The following KIF7 variants were observed in gnomAD, a reference collection of about 807,000 sequenced individuals.
KIF7 encodes kinesin family member 7.
A neutral mutation model predicts 135.7 loss-of-function variants in KIF7; 104 were observed. The observed-to-expected ratio is 0.77, with a 90% CI of 0.65 to 0.90. The LOEUF is 0.90. KIF7 is among the 40% of genes least tolerant of loss of function. The pLI, the probability that KIF7 is intolerant of heterozygous loss-of-function variation, is 0.00. For synonymous variants in KIF7, 883 were observed against 809.4 expected (o/e 1.09, Z -1.54); for missense variants, 2,005 against 1,839.1 (o/e 1.09, Z -1.65).
chr15:89,630,169 C>T, intron 16 of KIF7, 118 bp downstream of exon 16: 2 of 959,500 alleles, frequency 2.1e-6, no homozygotes, highest in Non-Finnish European at 3.2e-6. Flanking sequence ...ATGAGTTGGT[C>T]CTGATTCTGT....
At position 89,645,035 on chromosome 15, in the gene KIF7, A is replaced by G. The variant is rs1337592292; in HGVS notation, c.2169T>C (p.Leu723=). Residue 723 remains leucine, a synonymous_variant, in exon 10 of 19, where the codon CTT becomes CTC. Transcript: ENST00000394412. ...CACCTGTGCGGACCAGCTCGCCAATAAGCTCCTCCTTCATGCGGATGTTGA... is the reference window on the plus strand; with the variant it reads ...CACCTGTGCGGACCAGCTCGCCAATGAGCTCCTCCTTCATGCGGATGTTGA... The part of the protein sequence containing the change: ...LAINIRMKEE[L]IGELVRTGKA... 16 of 1,607,980 alleles carry G rather than the reference A, an allele frequency of 1.0e-5. No homozygotes were observed. The highest frequency in any genetic ancestry group is 1.4e-5 in the Non-Finnish European group (16 of 1,180,000).
upstream of KIF7, among the ~76,000 whole-genome samples, chr15:89,659,923 A>G (rs1041869213): frequency 6.6e-6 from 1 of 152,236 alleles, no homozygotes. Flanking sequence ...CAGGCCGGGC[A>G]TGGTAGCTCA....
At chr15:89,646,247 C>T (rs1290538573) in intron 7 of KIF7, among the ~76,000 whole-genome samples, 2 of 152,102 alleles carry the variant, frequency 1.3e-5, no homozygotes, top group Non-Finnish European at 2.9e-5. Context: ...TGGTACTCCT[C>T]AGGTGACAAT....
At chr15:89,632,709 C>T (rs912760113) in intron 14 of KIF7, 111 bp downstream of exon 14, 15 of 1,198,858 alleles carry the variant, frequency 1.3e-5, no homozygotes, top group Non-Finnish European at 1.8e-5. Context: ...CTTTGCTAGA[C>T]CTCACCTGGC....
chr15:89,627,400 G>A, downstream of KIF7: 1 of 333,376 alleles, frequency 3.0e-6, no homozygotes, highest in Non-Finnish European at 5.5e-6. Context: ...CAAGTCAGGG[G>A]GCCACTCTGC....
At chr15:89,631,745 C>A in intron 14 of KIF7, 35 bp from the exon 15 acceptor site, 1 of 1,523,722 alleles carries the variant, frequency 6.6e-7, no homozygotes, top group Non-Finnish European at 8.9e-7. Flanking sequence ...AGAGAAGGAA[C>A]AGGCACTGTC....
Position 89,628,301 on chromosome 15 carries a change from G to T in KIF7, c.*118C>A. The T allele has an allele frequency of 1.5e-6, 2 of 1,357,098 alleles. No individual in the cohort carries two copies. The highest frequency in any genetic ancestry group is 1.5e-5 in the South Asian group (1 of 67,960). The allele number at this position is 1,357,098 out of a possible 1,614,324, so 84.1% of individuals were successfully genotyped here. On this transcript the variant is annotated 3_prime_UTR_variant, in exon 19 of 19. Coordinates refer to ENST00000394412, the MANE Select transcript of KIF7 (RefSeq NM_198525.3). ...ATTTGTTGATCCCAGTGAGGGTACA[G>T]ATGAGGGCCTGGATTTAGGGTGTGC...
chr15:89,622,100 C>T (rs1016286622), intron 1 of KIF7, among the ~76,000 whole-genome samples: 6 of 149,838 alleles, frequency 4.0e-5, no homozygotes, highest in African/African-American at 1.2e-4. Flanking sequence ...ATTCTCCTGC[C>T]TCAGCCTCCT....
the KIF7 span, among the ~76,000 whole-genome samples, chr15:89,660,925 A>G: frequency 6.6e-6 from 1 of 152,098 alleles, no homozygotes; most frequent in Non-Finnish European, 1.5e-5. Context: ...CTGAAATAGC[A>G]CCCCTGGTGC....
intron 15 of KIF7, 37 bp from the exon 16 acceptor site, chr15:89,630,530 C>T (rs761702891): frequency 5.4e-6 from 8 of 1,493,508 alleles, no homozygotes; most frequent in Non-Finnish European, 7.3e-6. Flanking sequence ...ACAGCACCCA[C>T]TGCCTGAATG....
chr15:89,632,677 T>C, intron 14 of KIF7, 143 bp downstream of exon 14: 1 of 851,110 alleles, frequency 1.2e-6, no homozygotes, highest in Non-Finnish European at 1.9e-6. Context: ...ACCTGGCAGG[T>C]TTATCACTTG....
intron 11 of KIF7, among the ~76,000 whole-genome samples, chr15:89,635,105 C>G (rs1471332162): frequency 6.6e-6 from 1 of 151,750 alleles, no homozygotes; most frequent in Admixed American, 6.5e-5. Flanking sequence ...AACAGACCTG[C>G]AGCTGAGGGT....
chr15:89,630,232 C>T (rs2141995587), intron 16 of KIF7, 55 bp downstream of exon 16: 2 of 1,540,544 alleles, frequency 1.3e-6, no homozygotes, highest in African/African-American at 1.4e-5. Context: ...CCATGAGACA[C>T]CTCCCCACAC....
rs1258546963 is a variant in KIF7 at position 89,629,393 on chromosome 15, G to A, written c.3499C>T (p.Leu1167Phe). Residue 1167 changes from leucine to phenylalanine, a missense_variant, in exon 17 of 19, where the codon CTC (leucine) becomes TTC (phenylalanine). By Grantham distance (22) the Leu-to-Phe change is conservative. Transcript: ENST00000394412. The part of the protein sequence containing the change: ...QKEHEQNMQL[L>F]LQQSRDHLGE... Reference sequence around the variant, plus strand: ...TGCTCACCTCGACTCTGCTGCAGGAGCAGCTGCATGTTCTGCTCGTGCTCC... The same window carrying A: ...TGCTCACCTCGACTCTGCTGCAGGAACAGCTGCATGTTCTGCTCGTGCTCC... The A allele has an allele frequency of 1.9e-6, 3 of 1,600,088 alleles. No individual in the cohort carries two copies. Among genetic ancestry groups the A allele is most frequent in the East Asian group, 2.2e-5 (1 of 44,754 alleles).
chr15:89,652,885 C>T lies in KIF7; in HGVS notation c.46G>A (p.Val16Met). Residue 16 changes from valine to methionine, a missense_variant, in exon 2 of 19, where the codon GTG becomes ATG. Val to Met is a conservative substitution (Grantham distance 21). Transcript: ENST00000394412. ...GGTCGAACTCGCAGGGCAACCCGCA[C>T]TGGGGCCTCCTCAGCCCCTGGCAGC... ...QRLPGAEEAPVRVALRVRPLL... is the reference protein window; with the variant it reads ...QRLPGAEEAPMRVALRVRPLL... The T allele has an allele frequency of 6.5e-7, 1 of 1,538,764 alleles. No homozygotes were observed. Among genetic ancestry groups the T allele is most frequent in the Non-Finnish European group, 8.8e-7 (1 of 1,140,572 alleles).
At chr15:89,651,603 A>G (rs1259545169) in intron 2 of KIF7, among the ~76,000 whole-genome samples, 4 of 152,266 alleles carry the variant, frequency 2.6e-5, no homozygotes, top group Non-Finnish European at 1.5e-5. Context: ...ATTTTTGAAA[A>G]GTAAAATAAT....
At position 89,618,275 on chromosome 15, in the gene KIF7, G is replaced by C. The variant is rs189404444; in HGVS notation, c.181-80C>G. 75 of 1,440,834 alleles carry C rather than the reference G, an allele frequency of 5.2e-5. No homozygotes were observed. The African/African-American group carries it at 7.3e-4, about 14-fold the overall frequency. The allele number at this position is 1,440,834 out of a possible 1,614,324, so 89.3% of individuals were successfully genotyped here. A position where few individuals can be genotyped will look rare whatever the true frequency, so the allele number is the denominator to read the frequency against. Reference sequence around the variant, plus strand: ...AGCTTCTATGAAAACCTTTCTGTATGTATTGTTACTTGGCATATCCTAAGA... The same window carrying C: ...AGCTTCTATGAAAACCTTTCTGTATCTATTGTTACTTGGCATATCCTAAGA... On this transcript the variant is annotated intron_variant and NMD_transcript_variant, in intron 1 of 2. Transcript: ENST00000558928.
chr15:89,617,991 C>A (rs769115239), intron 2 of KIF7: 82 of 759,246 alleles, frequency 1.1e-4, no homozygotes, highest in Non-Finnish European at 1.7e-4. Context: ...TGTGGCCAGC[C>A]TCCCTCTTGA....
intron 10 of KIF7, 55 bp downstream of exon 10, chr15:89,644,958 G>A: frequency 1.3e-6 from 2 of 1,598,664 alleles, no homozygotes; most frequent in Non-Finnish European, 1.7e-6. Context: ...CAGTGCAGAA[G>A]TAACGATGAG....
Sources: gnomAD v4.1 joint callset for allele counts (sites outside exome capture counted in the v4.1 genomes callset) on GRCh38, gnomAD v4.1.1 for gene constraint, MANE v1.5 for transcripts, NCBI Gene and HGNC (gene_info 2026-07-23, HGNC 2026-07-21) for gene names.